PXDN: variants seen among roughly 807,000 people sequenced by gnomAD.
PXDN encodes peroxidasin, also known as peroxidasin homolog.
PXDN carries 77 observed loss-of-function variants against 140.3 expected under a neutral mutation model. That is an observed-to-expected ratio of 0.55 (90% confidence interval 0.46 to 0.66). The LOEUF is 0.66. Among genes scored for constraint, PXDN ranks in the 30% least tolerant of loss-of-function variants. The pLI is 0.00. For synonymous variants in PXDN, 911 were observed against 857.4 expected, an observed-to-expected ratio of 1.06 and a Z score of -1.09; for missense variants, 1,838 against 2,039.5, an observed-to-expected ratio of 0.90 and a Z score of 1.90.
At chr2:1,722,796 G>C (rs562908868) in intron 1 of PXDN, among the ~76,000 whole-genome samples, 1 of 152,212 alleles carries the variant, frequency 6.6e-6, no homozygotes, top group South Asian at 2.1e-4. Context: ...TGGCTCCAGG[G>C]GCACAGTGTT....
chr2:1,663,852 C>G (rs764681646), intron 11 of PXDN, 89 bp from the exon 12 acceptor site: 153 of 1,525,034 alleles, frequency 1.0e-4, no homozygotes, highest in Non-Finnish European at 1.3e-4. Context: ...AGAAGCTTGT[C>G]TCCACCTGGG....
chr2:1,632,461 G>A lies in PXDN; in HGVS notation c.*1743C>T, dbSNP rs963774054. The A allele has an allele frequency of 6.6e-6, 1 of 152,186 alleles. No homozygotes were observed. The highest frequency in any genetic ancestry group is 1.5e-5 in the Non-Finnish European group (1 of 68,034). The allele number at this position is 152,186 out of a possible 1,614,324, so 9.4% of individuals were successfully genotyped here. On this transcript the variant is annotated 3_prime_UTR_variant, in exon 23 of 23. Coordinates refer to ENST00000252804, the MANE Select transcript of PXDN (RefSeq NM_012293.3). The surrounding 1 kb of genome is among the most constrained non-coding windows in gnomAD (Gnocchi z 4.3). ...CATTTGACTTGCTATTTCAAAAGAAGTCCACATGTCATGAAACACCAACCA... is the reference window on the plus strand; with the variant it reads ...CATTTGACTTGCTATTTCAAAAGAAATCCACATGTCATGAAACACCAACCA...
Position 1,639,915 on chromosome 2 carries a change from C to G in PXDN, c.3953-493G>C, listed in dbSNP as rs1472335953. Among the ~76,000 whole-genome samples the G allele has an allele frequency of 6.6e-6, 1 of 152,254 alleles. No individual in the cohort carries two copies. The highest frequency in any genetic ancestry group is 1.9e-4 in the East Asian group (1 of 5,194). ...GACCCTGCTTCTCCTGAATGTAGCC[C>G]AAACACCTCCCTGCCTAGGAGTGGC... On this transcript the variant is annotated intron_variant, in intron 19 of 22. Coordinates refer to ENST00000252804, the MANE Select transcript of PXDN (RefSeq NM_012293.3). The surrounding 1 kb of genome is among the most constrained non-coding windows in gnomAD (Gnocchi z 5.0).
intron 9 of PXDN, among the ~76,000 whole-genome samples, chr2:1,672,862 G>A (rs1683608191): frequency 6.6e-6 from 1 of 152,240 alleles, no homozygotes; most frequent in Non-Finnish European, 1.5e-5. Flanking sequence ...TGAAGCTAAA[G>A]GCAGCCAGAA....
intron 1 of PXDN, among the ~76,000 whole-genome samples, chr2:1,720,612 GCTCTCTCTGCATCTCTTTCT>G (rs74164534): frequency 1.6e-4 from 16 of 101,494 alleles, no homozygotes; most frequent in East Asian, 9.4e-4. Context: ...CTCAGATACA[GCTCTCTCTGCATCTCTTTCT>G]CTCTCTCTGC....
chr2:1,692,622 T>C, intron 2 of PXDN: 2 of 472,730 alleles, frequency 4.2e-6, no homozygotes, highest in Admixed American at 2.3e-5. Flanking sequence ...AACGCTGGAC[T>C]TGGCCCTGCC....
chr2:1,742,417 G>C (rs558399020), intron 1 of PXDN, among the ~76,000 whole-genome samples: 17 of 152,346 alleles, frequency 1.1e-4, no homozygotes, highest in South Asian at 1.0e-3. Flanking sequence ...TGTTGTGCGA[G>C]TGGACGATGA....
Position 1,666,704 on chromosome 2 carries a change from G to A in PXDN, c.1019-218C>T, listed in dbSNP as rs1683452941. On this transcript the variant is annotated intron_variant, in intron 9 of 22. Transcript: ENST00000252804. ...AATGCAGGCCACGTGAGAAAAGTGA[G>A]CAACCATGATCGGTTAGGAAGAGCT... is the stretch of plus-strand genomic sequence containing the variant. 2.0e-5 allele frequency among the ~76,000 whole-genome samples: 3 copies of A among 152,186 alleles called. No homozygotes were observed. The South Asian group carries it at 6.2e-4, about 31-fold the overall frequency.
At position 1,744,480 on chromosome 2, in the gene PXDN, G is replaced by A. The variant is rs773804955; in HGVS notation, c.-25C>T. The A allele has an allele frequency of 9.1e-5, 130 of 1,424,030 alleles. 1 individual carries two copies. The African/African-American group carries it at 1.3e-3, about 15-fold the overall frequency. 88.2% of individuals were successfully genotyped at this position (1,424,030 alleles called of 1,614,324 possible). Reference sequence around the variant, plus strand: ...TGGCCGACGGCGCGGACGGACGCTCGGACGCACGGAGCCACCACGGCCGGC... The same window carrying A: ...TGGCCGACGGCGCGGACGGACGCTCAGACGCACGGAGCCACCACGGCCGGC... On this transcript the variant is annotated 5_prime_UTR_variant, in exon 1 of 23. Coordinates refer to ENST00000252804, the MANE Select transcript of PXDN (RefSeq NM_012293.3).
intron 17 of PXDN, among the ~76,000 whole-genome samples, chr2:1,646,650 A>G (rs1265622843): frequency 1.3e-5 from 2 of 152,218 alleles, no homozygotes; most frequent in Non-Finnish European, 2.9e-5. Flanking sequence ...ACTTTCCCCT[A>G]GAAGGCACAG....
intron 1 of PXDN, 22 bp from the exon 2 acceptor site, chr2:1,693,156 AT>A: frequency 1.3e-6 from 2 of 1,515,430 alleles, no homozygotes; most frequent in Non-Finnish European, 1.8e-6. Context: ...CAAGAAAGGT[AT>A]TATTACGTGA....
At chr2:1,673,452 G>A (rs538101183) in intron 9 of PXDN, among the ~76,000 whole-genome samples, 191 bp downstream of exon 9, 1 of 152,236 alleles carries the variant, frequency 6.6e-6, no homozygotes, top group South Asian at 2.1e-4. Flanking sequence ...GGCTAACTGG[G>A]GACCACAGCA....
chr2:1,679,252 C>A (rs576258164), intron 7 of PXDN, among the ~76,000 whole-genome samples: 12 of 118,626 alleles, frequency 1.0e-4, no homozygotes, highest in African/African-American at 2.6e-4. Flanking sequence ...ATGGCATGTG[C>A]GTGTGTGGTG....
chr2:1,686,950 G>T (rs1398236588), intron 4 of PXDN, among the ~76,000 whole-genome samples: 1 of 152,206 alleles, frequency 6.6e-6, no homozygotes, highest in Non-Finnish European at 1.5e-5. Context: ...CAGCTCCTCA[G>T]GAATGGGCTC....
chr2:1,734,150 TG>T, intron 1 of PXDN, among the ~76,000 whole-genome samples: 1 of 152,334 alleles, frequency 6.6e-6, no homozygotes, highest in South Asian at 2.1e-4. Context: ...ATTTCAGGTT[TG>T]GGCCCAGATC....
intron 3 of PXDN, among the ~76,000 whole-genome samples, chr2:1,690,648 CAAAAAAAAAAAAA>C (rs35970382): frequency 1.5e-5 from 1 of 68,654 alleles, no homozygotes; most frequent in Non-Finnish European, 2.7e-5. Context: ...TTCAAAATAC[CAAAAAAAAAAAAA>C]AAAAAAAAAA....
chr2:1,734,099 A>G (rs373279732), intron 1 of PXDN, among the ~76,000 whole-genome samples: 24 of 152,334 alleles, frequency 1.6e-4, no homozygotes, highest in East Asian at 1.5e-3. Flanking sequence ...GGACAACAAT[A>G]TCACAAAACT....
intron 1 of PXDN, among the ~76,000 whole-genome samples, chr2:1,720,544 T>C (rs67513416): frequency 0.79 from 119,673 of 151,852 alleles, 47,544 homozygotes; most frequent in East Asian, 0.95. Context: ...CGCTCCACGC[T>C]TTCTCACACC....
At chr2:1,738,771 T>G (rs1307526584) in intron 1 of PXDN, among the ~76,000 whole-genome samples, 1 of 152,066 alleles carries the variant, frequency 6.6e-6, no homozygotes, top group African/African-American at 2.4e-5. Context: ...GCCTTCGAAC[T>G]CCCGAGCTCA....
Sources: gnomAD v4.1 joint callset for allele counts (sites outside exome capture counted in the v4.1 genomes callset) on GRCh38, gnomAD v4.1.1 for gene constraint, Gnocchi (gnomAD v3.1) non-coding constraint, MANE v1.5 for transcripts, NCBI Gene and HGNC (gene_info 2026-07-23, HGNC 2026-07-21) for gene names.